CPQ: variants seen among roughly 807,000 people sequenced by gnomAD.
CPQ encodes the protein carboxypeptidase Q.
CPQ carries 37 observed loss-of-function variants against 45.7 expected under a neutral mutation model. That is an observed-to-expected ratio of 0.81 (90% CI 0.62 to 1.07). The LOEUF (loss-of-function observed/expected upper bound fraction) is 1.07. Ranked by LOEUF, CPQ falls within the 50% of genes least tolerant of loss-of-function variation. The pLI is 0.00. For missense variants in CPQ, 537 were observed against 572.9 expected, an observed-to-expected ratio of 0.94 and a Z score of 0.64; for synonymous variants, 186 against 205.8, an observed-to-expected ratio of 0.90 and a Z score of 0.82.
Position 96,771,686 on chromosome 8 carries a change from C to A in CPQ, c.-34-13178C>A, listed in dbSNP as rs141509665. Among the ~76,000 whole-genome samples the A allele has an allele frequency of 4.8e-3, 729 of 152,146 alleles. 11 individuals carry two copies. Among genetic ancestry groups the A allele is most frequent in the African/African-American group, 0.012 (515 of 41,514 alleles). The stretch of plus-strand genomic sequence containing the variant: ...TTCAGCTCAAGACAGTACCTATTTA[C>A]AAAGCATGTAAGATGTATTCAGCAC... On this transcript the variant is annotated intron_variant, in intron 1 of 7. Coordinates refer to ENST00000220763, the MANE Select transcript of CPQ (RefSeq NM_016134.4).
chr8:96,678,758 CTT>C lies in CPQ; in HGVS notation c.-35+33371_-35+33372del, dbSNP rs71267274. On this transcript the variant is annotated intron_variant, in intron 1 of 7. Coordinates refer to ENST00000220763, the MANE Select transcript of CPQ (RefSeq NM_016134.4). Reference sequence around the variant, plus strand: ...CCACTTTTTAATGGGATTATTTGGGCTTTTTTTTTTTTTTTTAGCTGTTGAGT... The same window carrying C: ...CCACTTTTTAATGGGATTATTTGGGCTTTTTTTTTTTTTTAGCTGTTGAGT... 8.7e-5 allele frequency among the ~76,000 whole-genome samples: 10 copies of C among 114,866 alleles called. No homozygotes were observed. The South Asian group carries it at 1.5e-3, about 17-fold the overall frequency. The allele number at this position is 114,866 out of a possible 152,430, so 75.4% of individuals were successfully genotyped here.
chr8:97,034,798 C>G (rs1426783284), intron 6 of CPQ, among the ~76,000 whole-genome samples: 2 of 152,056 alleles, frequency 1.3e-5, no homozygotes, highest in Non-Finnish European at 2.9e-5. Context: ...TGGAACCATA[C>G]AGTACATAAT....
chr8:97,044,729 T>C (rs1810202594), intron 6 of CPQ, among the ~76,000 whole-genome samples: 1 of 152,230 alleles, frequency 6.6e-6, no homozygotes, highest in Admixed American at 6.5e-5. Context: ...GCAGGTCTGT[T>C]GGAGTTTGCT....
At chr8:96,739,063 C>T (rs371705360) in intron 1 of CPQ, among the ~76,000 whole-genome samples, 16 of 150,434 alleles carry the variant, frequency 1.1e-4, no homozygotes, top group African/African-American at 2.9e-4. Context: ...TTGAACTAGT[C>T]TACAGTCCCA....
intron 4 of CPQ, among the ~76,000 whole-genome samples, chr8:96,959,721 AC>A (rs2130352267): frequency 6.6e-6 from 1 of 151,800 alleles, no homozygotes; most frequent in Non-Finnish European, 1.5e-5. Context: ...TATTTTTTCA[AC>A]CATTTAATGA....
intron 6 of CPQ, among the ~76,000 whole-genome samples, chr8:97,043,564 G>A (rs1810174089): frequency 6.6e-6 from 1 of 152,172 alleles, no homozygotes; most frequent in African/African-American, 2.4e-5. Context: ...GTTAGTTGAT[G>A]CAGTTTCTTC....
chr8:96,968,218 A>AC (rs532813966), intron 5 of CPQ, among the ~76,000 whole-genome samples: 7 of 151,484 alleles, frequency 4.6e-5, no homozygotes, highest in Admixed American at 2.0e-4. Context: ...AAACCCAGTG[A>AC]CCCCTCCACT....
intron 1 of CPQ, among the ~76,000 whole-genome samples, chr8:96,703,948 T>G (rs1233217036): frequency 6.6e-6 from 1 of 152,176 alleles, no homozygotes; most frequent in Non-Finnish European, 1.5e-5. Flanking sequence ...GTGATATAAT[T>G]TGGAATACAA....
intron 3 of CPQ, among the ~76,000 whole-genome samples, chr8:96,864,703 A>G (rs924108108): frequency 1.3e-5 from 2 of 152,052 alleles, no homozygotes; most frequent in Non-Finnish European, 1.5e-5. Context: ...TTGAGTTTTA[A>G]ATAAATATCT....
At chr8:97,073,047 G>A (rs150275711) in intron 7 of CPQ, among the ~76,000 whole-genome samples, 31 of 152,234 alleles carry the variant, frequency 2.0e-4, no homozygotes, top group African/African-American at 7.5e-4. Context: ...ATTTAGTAAC[G>A]ACATCACTCA....
At chr8:96,813,973 G>A (rs189518700) in intron 2 of CPQ, among the ~76,000 whole-genome samples, 12 of 145,892 alleles carry the variant, frequency 8.2e-5, no homozygotes, top group Non-Finnish European at 1.7e-4. Context: ...TTAGACTAAG[G>A]ACTGTCATAT....
chr8:96,869,320 A>C (rs768234441), intron 3 of CPQ, among the ~76,000 whole-genome samples: 8 of 152,072 alleles, frequency 5.3e-5, no homozygotes, highest in African/African-American at 4.8e-5. Context: ...AGCACTGGGC[A>C]ATTGCTGCGA....
intron 3 of CPQ, among the ~76,000 whole-genome samples, chr8:96,869,229 T>C (rs1319681322): frequency 6.6e-6 from 1 of 152,006 alleles, no homozygotes; most frequent in Non-Finnish European, 1.5e-5. Flanking sequence ...AAGCACCAAA[T>C]TTTGCCTTCA....
At chr8:96,753,537 G>GT (rs1455070985) in intron 1 of CPQ, among the ~76,000 whole-genome samples, 4 of 139,112 alleles carry the variant, frequency 2.9e-5, no homozygotes, top group Non-Finnish European at 6.7e-5. Flanking sequence ...ATCCCTCAAG[G>GT]TTTTACTTAA....
At chr8:96,696,168 A>C (rs1363027171) in intron 1 of CPQ, among the ~76,000 whole-genome samples, 1 of 151,990 alleles carries the variant, frequency 6.6e-6, no homozygotes. Context: ...GGAAATCATC[A>C]TTCTCAGTAA....
chr8:96,897,529 C>G (rs1201670707), intron 4 of CPQ, among the ~76,000 whole-genome samples: 4 of 152,142 alleles, frequency 2.6e-5, no homozygotes, highest in African/African-American at 7.2e-5. Flanking sequence ...AAATCCTGAC[C>G]TCACATGTTG....
chr8:96,935,300 A>C (rs867258434), intron 4 of CPQ, among the ~76,000 whole-genome samples: 9 of 152,322 alleles, frequency 5.9e-5, no homozygotes, highest in Middle Eastern at 3.4e-3. Flanking sequence ...AGAAACATAG[A>C]GAAATGTCTC....
intron 3 of CPQ, among the ~76,000 whole-genome samples, chr8:96,876,013 GGTTA>G (rs1219995009): frequency 6.6e-6 from 1 of 151,650 alleles, no homozygotes; most frequent in Non-Finnish European, 1.5e-5. Flanking sequence ...TTCACATGTT[GGTTA>G]AATTTATTTG....
intron 4 of CPQ, among the ~76,000 whole-genome samples, chr8:96,960,425 T>G (rs1563539435): frequency 6.6e-6 from 1 of 152,224 alleles, no homozygotes; most frequent in African/African-American, 2.4e-5. Flanking sequence ...TGAACTCACT[T>G]GTAAAACTGT....
Sources: gnomAD v4.1 joint callset for allele counts (sites outside exome capture counted in the v4.1 genomes callset) on GRCh38, gnomAD v4.1.1 for gene constraint, MANE v1.5 for transcripts, NCBI Gene and HGNC (gene_info 2026-07-23, HGNC 2026-07-21) for gene names.